Variants in BCL9 observed in about 807,000 individuals in gnomAD.
BCL9 encodes the protein B-cell CLL/lymphoma 9 protein.
BCL9 carries 25 observed loss-of-function variants against 88.5 expected under a neutral mutation model. The ratio of observed to expected loss-of-function variants is 0.28; its 90% CI spans 0.21 to 0.39. The LOEUF (loss-of-function observed/expected upper bound fraction) is 0.39. Among genes scored for constraint, BCL9 ranks in the 10% least tolerant of loss-of-function variants. The pLI is 1.00. For missense variants in BCL9, 1,817 were observed against 1,877.8 expected, an observed-to-expected ratio of 0.97 and a Z score of 0.60; for synonymous variants, 711 against 673.3, an observed-to-expected ratio of 1.06 and a Z score of -0.87.
intron 3 of BCL9, among the ~76,000 whole-genome samples, chr1:147,608,594 G>A (rs182540002): frequency 6.6e-6 from 1 of 152,226 alleles, no homozygotes; most frequent in East Asian, 1.9e-4. Context: ...CTTTCTGCCT[G>A]GCAACATCTC....
At chr1:147,556,974 C>G (rs973185030) in intron 1 of BCL9, among the ~76,000 whole-genome samples, 3 of 152,156 alleles carry the variant, frequency 2.0e-5, no homozygotes, top group Non-Finnish European at 4.4e-5. Context: ...ACCATACCAA[C>G]AAAAACAAAG....
At chr1:147,607,050 C>CT (rs1489318277) in intron 3 of BCL9, among the ~76,000 whole-genome samples, 184 bp downstream of exon 3, 1 of 152,162 alleles carries the variant, frequency 6.6e-6, no homozygotes, top group Admixed American at 6.5e-5. Flanking sequence ...CTACTACCAA[C>CT]TTTTTTAGAT....
chr1:147,619,468 T>A lies in BCL9; in HGVS notation c.1313T>A (p.Val438Glu). 1.2e-6 allele frequency: 2 copies of A among 1,614,146 alleles called. No homozygotes were observed. Among genetic ancestry groups the A allele is most frequent in the Non-Finnish European group, 1.7e-6 (2 of 1,180,030 alleles). The change falls in exon 8 of 10, where the codon GTA (valine) becomes GAA (glutamate). Residue 438 changes from valine to glutamate, a missense_variant. Physicochemically the swap from Val to Glu is moderately radical, Grantham distance 121. Around this residue, in one of 2 missense-constraint regions of BCL9, gnomAD observed 1,228 missense variants for 1,191.6 expected, o/e 1.03. Coordinates refer to ENST00000234739, the MANE Select transcript of BCL9 (RefSeq NM_004326.4). This position sits in a 1 kb window ranked among gnomAD's most constrained non-coding sequence, Gnocchi z 4.1. ...APFGPQGHRD[V>E]PFSPDEMVPP... ...TTTGGCCCTCAAGGACATAGAGATG[T>A]ACCCTTTTCTCCAGATGAAATGGTT...
intron 1 of BCL9, among the ~76,000 whole-genome samples, chr1:147,546,384 C>A (rs1654594556): frequency 6.6e-6 from 1 of 151,934 alleles, no homozygotes; most frequent in Non-Finnish European, 1.5e-5. Flanking sequence ...GCCATCCCCC[C>A]CCTTTTTTTA....
In BCL9 at chr1:147,619,077, A is replaced by T. The variant is rs782398988; in HGVS notation, c.922A>T (p.Thr308Ser). ...CCCAGATGGTACTGGGCCCAACTCA[A>T]CTCCCAACAATAGGGCAGTGACCCC... ...LPPDGTGPNS[T>S]PNNRAVTPVS... Residue 308 changes from threonine (T) to serine (S), a missense_variant, in exon 8 of 10, where the codon ACT becomes TCT. Thr to Ser is a moderately conservative substitution (Grantham distance 58). Coordinates refer to ENST00000234739, the MANE Select transcript of BCL9 (RefSeq NM_004326.4). The surrounding 1 kb of genome is among the most constrained non-coding windows in gnomAD (Gnocchi z 4.1). 2 of 1,613,168 alleles carry T rather than the reference A, an allele frequency of 1.2e-6. No individual in the cohort carries two copies. The highest frequency in any genetic ancestry group is 1.7e-6 in the Non-Finnish European group (2 of 1,179,680).
At chr1:147,553,014 T>G (rs112939826) in intron 1 of BCL9, among the ~76,000 whole-genome samples, 6 of 152,206 alleles carry the variant, frequency 3.9e-5, no homozygotes, top group African/African-American at 1.4e-4. Context: ...CTTTCTGGAT[T>G]TGGTGGTTTT....
At chr1:147,622,577 G>T in intron 9 of BCL9, 46 bp downstream of exon 9, 2 of 1,607,364 alleles carry the variant, frequency 1.2e-6, no homozygotes, top group Non-Finnish European at 1.7e-6. Flanking sequence ...CTAGACCAAA[G>T]AGAAACCTCT....
At chr1:147,614,346 G>T in intron 5 of BCL9, 81 bp from the exon 6 acceptor site, 1 of 1,379,206 alleles carries the variant, frequency 7.3e-7, no homozygotes, top group Non-Finnish European at 1.0e-6. Context: ...TCTCAAGGTG[G>T]GTTTGTGTTG....
rs1175251532 is a variant in BCL9 at position 147,620,817 on chromosome 1, A to C, written c.2662A>C (p.Thr888Pro). The C allele has an allele frequency of 6.2e-7, 1 of 1,613,720 alleles. No homozygotes were observed. The highest frequency in any genetic ancestry group is 1.3e-5 in the African/African-American group (1 of 74,788). Reference sequence around the variant, plus strand: ...CTCGGGGAACCTCAAGTCCCCCCAGACTCCATCGCAGCTGGCAGGCATGCT... The same window carrying C: ...CTCGGGGAACCTCAAGTCCCCCCAGCCTCCATCGCAGCTGGCAGGCATGCT... ...SPSGNLKSPQ[T>P]PSQLAGMLAG... The change falls in exon 8 of 10, where the codon ACT becomes CCT. Residue 888 changes from threonine (T) to proline (P), a missense_variant. Around this residue, in one of 2 missense-constraint regions of BCL9, gnomAD observed 1,228 missense variants for 1,191.6 expected, o/e 1.03. Coordinates refer to ENST00000234739, the MANE Select transcript of BCL9 (RefSeq NM_004326.4).
intron 1 of BCL9, among the ~76,000 whole-genome samples, chr1:147,551,268 G>A (rs1553194784): frequency 6.6e-6 from 1 of 152,190 alleles, no homozygotes; most frequent in Non-Finnish European, 1.5e-5. Flanking sequence ...TAGAGTGTAA[G>A]TCTATCTAAA....
chr1:147,596,916 G>T (rs1244360477), intron 1 of BCL9, among the ~76,000 whole-genome samples: 1 of 152,164 alleles, frequency 6.6e-6, no homozygotes, highest in East Asian at 1.9e-4. Flanking sequence ...ACCAAGGCAA[G>T]AATTTGTTAA....
At chr1:147,562,270 G>A (rs963216156) in intron 1 of BCL9, among the ~76,000 whole-genome samples, 5 of 151,996 alleles carry the variant, frequency 3.3e-5, no homozygotes, top group Non-Finnish European at 5.9e-5. Flanking sequence ...CAGAGATTGC[G>A]GTGAGCTGAG....
At chr1:147,559,885 G>T (rs1179037072) in intron 1 of BCL9, among the ~76,000 whole-genome samples, 1 of 152,126 alleles carries the variant, frequency 6.6e-6, no homozygotes, top group Non-Finnish European at 1.5e-5. Context: ...AACAGTTGTT[G>T]GGTCCTGAAG....
intron 1 of BCL9, among the ~76,000 whole-genome samples, chr1:147,587,484 T>G (rs1234888032): frequency 6.6e-6 from 1 of 152,220 alleles, no homozygotes; most frequent in Non-Finnish European, 1.5e-5. Context: ...CGTACTAGAT[T>G]GCAAGCCCCC....
At chr1:147,559,190 G>A (rs1655257950) in intron 1 of BCL9, among the ~76,000 whole-genome samples, 1 of 139,716 alleles carries the variant, frequency 7.2e-6, no homozygotes, top group African/African-American at 2.7e-5. Flanking sequence ...TACCAGGAAA[G>A]TCAGTGATCT....
Position 147,624,317 on chromosome 1 carries a change from G to C in BCL9, c.3639G>C (p.Ser1213=). The change falls in exon 10 of 10, where the codon TCG becomes TCC. Residue 1213 remains serine, a synonymous_variant. Coordinates refer to ENST00000234739, the MANE Select transcript of BCL9 (RefSeq NM_004326.4). This position sits in a 1 kb window ranked among gnomAD's most constrained non-coding sequence, Gnocchi z 4.4. ...SFTVLGNSMP[S]VFTDPDLQEV... ...CTGTCCTGGGGAACAGCATGCCTTC[G>C]GTGTTTACAGACCCAGATCTGCAGG... The C allele has an allele frequency of 1.9e-6, 3 of 1,614,112 alleles. No individual in the cohort carries two copies. The highest frequency in any genetic ancestry group is 1.1e-5 in the South Asian group (1 of 91,080).
intron 1 of BCL9, among the ~76,000 whole-genome samples, chr1:147,546,059 A>C (rs1553194224): frequency 6.6e-6 from 1 of 152,186 alleles, no homozygotes; most frequent in Non-Finnish European, 1.5e-5. Context: ...GCCTTGGGCC[A>C]GGCACGGTGG....
In BCL9 at chr1:147,618,990, C is replaced by T; in HGVS notation, c.835C>T (p.Pro279Ser). ...APPRPLDRES[P>S]GVENKLIPSV... ...CCCACGTCCCCTGGACCGGGAGAGT[C>T]CTGGGGTAGAAAACAAACTGATTCC... The change falls in exon 8 of 10, where the codon CCT (proline) becomes TCT (serine). Residue 279 changes from proline (P) to serine (S), a missense_variant. By Grantham distance (74) the Pro-to-Ser change is moderately conservative. Around this residue, in one of 2 missense-constraint regions of BCL9, gnomAD observed 1,228 missense variants for 1,191.6 expected, o/e 1.03. Transcript: ENST00000234739. 2 of 1,612,058 alleles carry T rather than the reference C, an allele frequency of 1.2e-6. No homozygotes were observed. The highest frequency in any genetic ancestry group is 1.7e-6 in the Non-Finnish European group (2 of 1,178,928).
chr1:147,606,033 ATAATT>A (rs587734444), intron 2 of BCL9, among the ~76,000 whole-genome samples: 16 of 152,330 alleles, frequency 1.1e-4, no homozygotes, highest in African/African-American at 3.8e-4. Flanking sequence ...AGATTCCTAA[ATAATT>A]TAGCCCTAAG....
Sources: allele counts gnomAD v4.1 joint callset (sites outside exome capture counted in the v4.1 genomes callset), GRCh38; gene constraint gnomAD v4.1.1; regional missense constraint gnomAD v4.1.1; non-coding constraint Gnocchi (gnomAD v3.1); transcripts MANE v1.5; gene names NCBI Gene and HGNC (gene_info 2026-07-23, HGNC 2026-07-21).